Variants in VPS13B observed in about 807,000 individuals in gnomAD.
VPS13B encodes intermembrane lipid transfer protein VPS13B.
In VPS13B, 285 loss-of-function variants were observed where a neutral mutation model predicts 426.4. The observed-to-expected ratio is 0.67, with a 90% confidence interval of 0.61 to 0.74. The LOEUF (loss-of-function observed/expected upper bound fraction) is 0.74. VPS13B is among the 30% of genes least tolerant of loss of function. VPS13B has a pLI of 0.00. For missense variants in VPS13B, 4,537 were observed against 4,782.6 expected (o/e 0.95, Z 1.51); for synonymous variants, 1,676 against 1,676.4 (o/e 1.00, Z 0.01).
chr8:99,048,609 G>C (rs571429303), intron 3 of VPS13B, among the ~76,000 whole-genome samples: 1 of 152,112 alleles, frequency 6.6e-6, no homozygotes, highest in East Asian at 1.9e-4. Flanking sequence ...GTGGTCGGGA[G>C]TTTGAGACCA....
At chr8:99,656,960 T>G (rs769458404) in intron 34 of VPS13B, among the ~76,000 whole-genome samples, 22 of 152,196 alleles carry the variant, frequency 1.4e-4, no homozygotes, top group Non-Finnish European at 2.9e-5. Flanking sequence ...TCAGTTATTC[T>G]GTTTTATCAA....
intron 21 of VPS13B, among the ~76,000 whole-genome samples, chr8:99,396,247 C>CAT (rs924547626): frequency 1.7e-3 from 262 of 151,584 alleles, no homozygotes; most frequent in African/African-American, 5.5e-3. Flanking sequence ...TATATGTATA[C>CAT]ATATATATAT....
intron 33 of VPS13B, among the ~76,000 whole-genome samples, chr8:99,587,195 G>A (rs895158998): frequency 6.6e-6 from 1 of 152,128 alleles, no homozygotes; most frequent in African/African-American, 2.4e-5. Flanking sequence ...GTGTATATAT[G>A]CCACATTTTC....
At chr8:99,252,642 A>G (rs565955179) in intron 17 of VPS13B, among the ~76,000 whole-genome samples, 2 of 152,260 alleles carry the variant, frequency 1.3e-5, no homozygotes, top group Admixed American at 1.3e-4. Context: ...GTCTCCAAAT[A>G]TAATTGTAGA....
chr8:99,712,031 G>C (rs1285857686), intron 36 of VPS13B, among the ~76,000 whole-genome samples: 1 of 152,190 alleles, frequency 6.6e-6, no homozygotes, highest in Non-Finnish European at 1.5e-5. Context: ...TGAGAGTAGA[G>C]AAGTTTGCTG....
At position 99,834,522 on chromosome 8, in the gene VPS13B, G is replaced by T. The variant is rs184560122; in HGVS notation, c.9615-675G>T. 3.8e-3 allele frequency among the ~76,000 whole-genome samples: 577 copies of T among 151,522 alleles called. 3 individuals are homozygous for T. Among genetic ancestry groups the T allele is most frequent in the Non-Finnish European group, 5.5e-3 (372 of 67,874 alleles). Reference sequence around the variant, plus strand: ...TTCTCTAGTAGTCCTTTTAAAAGAAGGTCAGCTCTTATTTTTATTTTTTAT... The same window carrying T: ...TTCTCTAGTAGTCCTTTTAAAAGAATGTCAGCTCTTATTTTTATTTTTTAT... On this transcript the variant is annotated intron_variant, in intron 52 of 61. Transcript: ENST00000357162.
intron 19 of VPS13B, among the ~76,000 whole-genome samples, chr8:99,303,833 C>T (rs1264654724): frequency 6.7e-6 from 1 of 149,806 alleles, no homozygotes; most frequent in African/African-American, 2.5e-5. Context: ...CCTGGCAAAA[C>T]ATTTGTACTA....
At chr8:99,332,352 C>T (rs1173554285) in intron 19 of VPS13B, among the ~76,000 whole-genome samples, 2 of 151,528 alleles carry the variant, frequency 1.3e-5, no homozygotes, top group Non-Finnish European at 3.0e-5. Context: ...ATAGAAAAAT[C>T]AGGAATTAAT....
intron 3 of VPS13B, among the ~76,000 whole-genome samples, chr8:99,051,806 T>C (rs1212161557): frequency 6.6e-6 from 1 of 152,164 alleles, no homozygotes; most frequent in Non-Finnish European, 1.5e-5. Flanking sequence ...TGAATGGGAG[T>C]TCACTCATTA....
At chr8:99,251,379 T>G (rs778528677) in intron 17 of VPS13B, among the ~76,000 whole-genome samples, 1 of 152,142 alleles carries the variant, frequency 6.6e-6, no homozygotes, top group Non-Finnish European at 1.5e-5. Context: ...TGAGAGGGTG[T>G]TGAATTTTGT....
intron 3 of VPS13B, among the ~76,000 whole-genome samples, chr8:99,080,722 T>G (rs1845400104): frequency 6.6e-6 from 1 of 152,240 alleles, no homozygotes. Flanking sequence ...TGTTGTAAGA[T>G]TGTTTAAGGC....
chr8:99,870,876 C>T lies in VPS13B; in HGVS notation c.11484C>T (p.Val3828=). The T allele has an allele frequency of 6.2e-7, 1 of 1,614,096 alleles. No individual in the cohort carries two copies. Among genetic ancestry groups the T allele is most frequent in the South Asian group, 1.1e-5 (1 of 91,056 alleles). Residue 3828 remains valine, a synonymous_variant, in exon 60 of 62, where the codon GTC becomes GTT. Coordinates refer to ENST00000357162, the MANE Select transcript of VPS13B (RefSeq NM_152564.5). ...LHADQAPNSH[V]KYVWKMLQSL... is the part of the protein sequence containing the mutation. ...CTGACCAGGCTCCAAACAGCCATGT[C>T]AAATATGTCTGGTAAAATTATTGAG...
At chr8:99,020,387 C>T (rs895788185) in intron 2 of VPS13B, among the ~76,000 whole-genome samples, 10 of 152,060 alleles carry the variant, frequency 6.6e-5, no homozygotes, top group African/African-American at 1.9e-4. Flanking sequence ...GGATATCAAT[C>T]CCTTAGCAGA....
intron 33 of VPS13B, among the ~76,000 whole-genome samples, chr8:99,612,927 T>C (rs1827906163): frequency 1.3e-5 from 2 of 152,322 alleles, no homozygotes; most frequent in Admixed American, 1.3e-4. Flanking sequence ...TTTCTATCTC[T>C]CTTTCTAATT....
intron 17 of VPS13B, chr8:99,233,776 A>G (rs1360634331): frequency 5.1e-6 from 4 of 779,218 alleles, no homozygotes; most frequent in East Asian, 4.9e-5. Context: ...CTTCTTTTCC[A>G]ATCAGTCTTC....
chr8:99,755,154 A>T (rs1476174353), intron 39 of VPS13B, among the ~76,000 whole-genome samples: 7 of 152,092 alleles, frequency 4.6e-5, no homozygotes, highest in Admixed American at 4.6e-4. Context: ...AAGACCTGAG[A>T]AGGTCCTGTA....
chr8:99,683,557 A>G (rs1199987866), intron 35 of VPS13B, among the ~76,000 whole-genome samples: 1 of 152,200 alleles, frequency 6.6e-6, no homozygotes, highest in Non-Finnish European at 1.5e-5. Context: ...TTCAGCATAC[A>G]GATCCTATGA....
In VPS13B at chr8:99,819,913, T is replaced by C. The variant is rs1563490351; in HGVS notation, c.8793-8T>C. On this transcript the variant is annotated splice_polypyrimidine_tract_variant and splice_region_variant and intron_variant, in intron 48 of 61. Coordinates refer to ENST00000357162, the MANE Select transcript of VPS13B (RefSeq NM_152564.5). ...CATTGAGTCTCTTGGATGTGGTTTT[T>C]GGAACAGGAATGAACAGCTAAGTCA... 1 of 1,613,880 alleles carries C rather than the reference T, an allele frequency of 6.2e-7. No homozygotes were observed. The highest frequency in any genetic ancestry group is 8.5e-7 in the Non-Finnish European group (1 of 1,179,824).
intron 2 of VPS13B, among the ~76,000 whole-genome samples, chr8:99,025,738 G>A (rs926217363): frequency 3.9e-5 from 6 of 152,042 alleles, no homozygotes; most frequent in Admixed American, 2.0e-4. Flanking sequence ...CTCATTACTC[G>A]GTATTGGACT....
Sources: gnomAD v4.1 joint callset for allele counts (sites outside exome capture counted in the v4.1 genomes callset) on GRCh38, gnomAD v4.1.1 for gene constraint, MANE v1.5 for transcripts, NCBI Gene and HGNC (gene_info 2026-07-23, HGNC 2026-07-21) for gene names.